COG5: variants seen among roughly 807,000 people sequenced by gnomAD.
COG5 encodes the protein conserved oligomeric Golgi complex subunit 5.
Under a neutral mutation model 110.4 loss-of-function variants are expected in COG5, and 86 were observed. The observed-to-expected ratio is 0.78, with a 90% CI of 0.65 to 0.93. The LOEUF (loss-of-function observed/expected upper bound fraction) is 0.93, where lower values mean the gene tolerates loss of function less well. COG5 is among the 40% of genes least tolerant of loss of function. The pLI is 0.00. For missense variants in COG5, 1,077 were observed against 987.0 expected (o/e 1.09, Z -1.22); for synonymous variants, 360 against 334.6 (o/e 1.08, Z -0.83).
At chr7:107,369,384 CTT>C (rs567770114) in intron 8 of COG5, among the ~76,000 whole-genome samples, 1,393 of 103,106 alleles carry the variant, frequency 0.014, 1 homozygote, top group Non-Finnish European at 0.019. Context: ...AACAAAAATT[CTT>C]TTTTTTTTTT....
chr7:107,229,701 T>C (rs2116393110), intron 19 of COG5, among the ~76,000 whole-genome samples: 1 of 152,286 alleles, frequency 6.6e-6, no homozygotes, highest in East Asian at 1.9e-4. Context: ...ATGAATCAAC[T>C]CTTGTGTTTC....
At chr7:107,558,878 ACT>A (rs934101274) in intron 1 of COG5, among the ~76,000 whole-genome samples, 8 of 135,616 alleles carry the variant, frequency 5.9e-5, no homozygotes, top group Non-Finnish European at 1.1e-4. Flanking sequence ...ACAGAGCAAG[ACT>A]CTGTCCCAAA....
intron 6 of COG5, among the ~76,000 whole-genome samples, chr7:107,491,094 T>C (rs1797948055): frequency 6.6e-6 from 1 of 152,128 alleles, no homozygotes; most frequent in Admixed American, 6.6e-5. Context: ...TACTTAGTTT[T>C]AGGTAGAAAG....
At chr7:107,524,257 T>G (rs1327408687) in intron 6 of COG5, among the ~76,000 whole-genome samples, 6 of 152,178 alleles carry the variant, frequency 3.9e-5, no homozygotes, top group Non-Finnish European at 7.4e-5. Flanking sequence ...TTCATCACCC[T>G]AAAAACAAAT....
Position 107,527,338 on chromosome 7 carries a change from C to G in COG5, c.437G>C (p.Arg146Pro). 1 of 1,613,426 alleles carries G rather than the reference C, an allele frequency of 6.2e-7. No homozygotes were observed. The highest frequency in any genetic ancestry group is 1.7e-5 in the Admixed American group (1 of 59,978). ...ARLQVACDLL[R>P]RIIRILNLSK... is the part of the protein sequence containing the mutation. Reference sequence around the variant, plus strand: ...GAGATTCAAGATACGAATAATCCTCCGAAGCAAATCACAGGCAACCTGTGC... The same window carrying G: ...GAGATTCAAGATACGAATAATCCTCGGAAGCAAATCACAGGCAACCTGTGC... The change falls in exon 6 of 22, where the codon CGG (arginine) becomes CCG (proline). Residue 146 changes from arginine to proline, a missense_variant. By Grantham distance (103) the Arg-to-Pro change is moderately radical. Transcript: ENST00000297135.
rs1802631133 is a variant in COG5 at position 107,548,412 on chromosome 7, A to T, written c.293-80T>A. The T allele has an allele frequency of 4.7e-6, 6 of 1,286,624 alleles. 1 individual carries two copies. The allele number at this position is 1,286,624 out of a possible 1,614,324, so 79.7% of individuals were successfully genotyped here. A position where few individuals can be genotyped will look rare whatever the true frequency, so the allele number is the denominator to read the frequency against. On this transcript the variant is annotated intron_variant, in intron 3 of 21. Coordinates refer to ENST00000297135, the MANE Select transcript of COG5 (RefSeq NM_006348.5). ...GTAAATAGTTAAATTAAAAGAAAAT[A>T]CATGCATATATAATTTTAACTTTTT...
chr7:107,289,347 T>G (rs1214764335), intron 12 of COG5, among the ~76,000 whole-genome samples: 3 of 152,158 alleles, frequency 2.0e-5, no homozygotes, highest in African/African-American at 7.2e-5. Flanking sequence ...CCTTCTATAC[T>G]CTCAGTTTTA....
intron 6 of COG5, among the ~76,000 whole-genome samples, chr7:107,455,663 CAG>C (rs1350291916): frequency 6.6e-6 from 1 of 151,998 alleles, no homozygotes; most frequent in Non-Finnish European, 1.5e-5. Flanking sequence ...GAGAGAGAGA[CAG>C]AGAAATGACT....
chr7:107,354,083 C>T (rs1459511219), intron 10 of COG5, among the ~76,000 whole-genome samples: 1 of 152,122 alleles, frequency 6.6e-6, no homozygotes, highest in Non-Finnish European at 1.5e-5. Context: ...CTCTGCAGAA[C>T]ACAACTAAGA....
intron 6 of COG5, 66 bp downstream of exon 6, chr7:107,527,171 A>G: frequency 7.1e-7 from 1 of 1,413,604 alleles, no homozygotes. Flanking sequence ...AAAGTCAACC[A>G]ATCAAGTGAC....
chr7:107,455,038 A>G (rs547260952), intron 6 of COG5, among the ~76,000 whole-genome samples: 7 of 152,230 alleles, frequency 4.6e-5, no homozygotes, highest in Admixed American at 2.0e-4. Context: ...ATACCTAAGT[A>G]CTTTATTACA....
intron 6 of COG5, among the ~76,000 whole-genome samples, chr7:107,452,312 T>G (rs1467348756): frequency 1.3e-5 from 2 of 152,198 alleles, no homozygotes; most frequent in African/African-American, 4.8e-5. Flanking sequence ...CCTGTAAAAG[T>G]TGAAATTCCC....
chr7:107,373,375 T>C (rs1814353100), intron 7 of COG5, among the ~76,000 whole-genome samples: 1 of 151,980 alleles, frequency 6.6e-6, no homozygotes, highest in South Asian at 2.1e-4. Flanking sequence ...TAGTAACAAG[T>C]GCTATAAAAA....
At chr7:107,537,546 A>G (rs556228181) in intron 5 of COG5, among the ~76,000 whole-genome samples, 2 of 152,116 alleles carry the variant, frequency 1.3e-5, no homozygotes, top group African/African-American at 2.4e-5. Context: ...CAATGAATAC[A>G]TGGACACAGG....
At chr7:107,288,785 A>G (rs1313490061) in intron 12 of COG5, among the ~76,000 whole-genome samples, 1 of 151,428 alleles carries the variant, frequency 6.6e-6, no homozygotes, top group African/African-American at 2.4e-5. Flanking sequence ...TAATTTTCAG[A>G]AAGTCCAAAA....
chr7:107,287,767 T>C (rs1465269249), intron 12 of COG5, among the ~76,000 whole-genome samples: 1 of 152,230 alleles, frequency 6.6e-6, no homozygotes, highest in African/African-American at 2.4e-5. Context: ...TGTGTTTTAC[T>C]GTCTTCTTTC....
At chr7:107,246,479 A>G (rs1802068356) in intron 17 of COG5, among the ~76,000 whole-genome samples, 1 of 152,226 alleles carries the variant, frequency 6.6e-6, no homozygotes, top group Non-Finnish European at 1.5e-5. Context: ...ACAAAGGTCT[A>G]AGATCCAGAA....
At chr7:107,381,974 G>C (rs1284794815) in intron 7 of COG5, among the ~76,000 whole-genome samples, 1 of 152,132 alleles carries the variant, frequency 6.6e-6, no homozygotes, top group Non-Finnish European at 1.5e-5. Context: ...ATAGTTGTTT[G>C]CATCAGTGCA....
At chr7:107,486,209 C>T (rs1012979553) in intron 6 of COG5, among the ~76,000 whole-genome samples, 12 of 151,892 alleles carry the variant, frequency 7.9e-5, no homozygotes, top group African/African-American at 2.9e-4. Context: ...TGGTGAAAAA[C>T]ATACATTTTC....
Sources: allele counts gnomAD v4.1 joint callset (sites outside exome capture counted in the v4.1 genomes callset), GRCh38; gene constraint gnomAD v4.1.1; transcripts MANE v1.5; gene names NCBI Gene and HGNC (gene_info 2026-07-23, HGNC 2026-07-21).